Variants in PBX1 observed in about 807,000 individuals in gnomAD.
PBX1 encodes PBX homeobox 1, also known as pre-B-cell leukemia transcription factor 1.
PBX1 carries 6 observed loss-of-function variants against 53.4 expected under a neutral mutation model. That is an observed-to-expected ratio of 0.11 (90% CI 0.06 to 0.22). PBX1 has a LOEUF of 0.22. Ranked by LOEUF, PBX1 falls within the 10% of genes least tolerant of loss-of-function variation. The pLI is 1.00. For missense variants in PBX1, 251 were observed against 551.4 expected (o/e 0.46, Z 5.46); for synonymous variants, 204 against 212.3 (o/e 0.96, Z 0.34).
chr1:164,791,879 G>A (rs376786935), intron 2 of PBX1, among the ~76,000 whole-genome samples: 28 of 152,006 alleles, frequency 1.8e-4, no homozygotes, highest in African/African-American at 6.5e-4. Context: ...GGAGTGCAAT[G>A]AGTGGCGTGA....
chr1:164,684,785 G>A (rs1662002527), intron 2 of PBX1: 1 of 152,136 alleles, frequency 6.6e-6, no homozygotes, highest in Admixed American at 6.6e-5. Flanking sequence ...AAAGATCTGG[G>A]GCACTGTGTT....
chr1:164,785,268 C>T (rs1668120260), intron 2 of PBX1, among the ~76,000 whole-genome samples: 1 of 152,078 alleles, frequency 6.6e-6, no homozygotes, highest in Non-Finnish European at 1.5e-5. Context: ...TGATGAATAA[C>T]TCTTTAAAAA....
chr1:164,638,210 T>C (rs1251359312), intron 2 of PBX1, among the ~76,000 whole-genome samples: 1 of 152,196 alleles, frequency 6.6e-6, no homozygotes, highest in Non-Finnish European at 1.5e-5. Flanking sequence ...GGCAGCGTGG[T>C]CACTTGCGCA....
At position 164,654,031 on chromosome 1, in the gene PBX1, T is replaced by G. The variant is rs1380625202; in HGVS notation, c.265+90720T>G. On this transcript the variant is annotated intron_variant, in intron 2 of 8. Coordinates refer to ENST00000420696, the MANE Select transcript of PBX1 (RefSeq NM_002585.4). ...ATGGAATTTTGTTTCTGATAAATTT[T>G]TACCATTCTTTTCCAAACAGTAGAG... Among the ~76,000 whole-genome samples, 5 of 152,334 alleles carry G rather than the reference T, an allele frequency of 3.3e-5. No individual in the cohort carries two copies. The South Asian group carries it at 1.0e-3, about 32-fold the overall frequency.
intron 2 of PBX1, among the ~76,000 whole-genome samples, chr1:164,640,020 C>T (rs1419039771): frequency 5.3e-5 from 8 of 152,104 alleles, no homozygotes; most frequent in Non-Finnish European, 1.0e-4. Flanking sequence ...GACGAAGCCC[C>T]TGCCAAAGCC....
chr1:164,694,827 A>G (rs1356737793), intron 2 of PBX1, among the ~76,000 whole-genome samples: 2 of 152,100 alleles, frequency 1.3e-5, no homozygotes, highest in Non-Finnish European at 2.9e-5. Context: ...ACTATTTCTC[A>G]TTTCTCCTTC....
chr1:164,647,492 A>T (rs1475616145), intron 2 of PBX1, among the ~76,000 whole-genome samples: 1 of 152,112 alleles, frequency 6.6e-6, no homozygotes, highest in Non-Finnish European at 1.5e-5. Flanking sequence ...AATCGAGGTG[A>T]CCTAGTTGAC....
Position 164,848,452 on chromosome 1 carries a change from A to C in PBX1, c.*1776A>C. The C allele has an allele frequency of 9.5e-7, 1 of 1,056,858 alleles. No homozygotes were observed. The highest frequency in any genetic ancestry group is 1.1e-6 in the Non-Finnish European group (1 of 873,966). 65.5% of individuals were successfully genotyped at this position (1,056,858 alleles called of 1,614,324 possible). On this transcript the variant is annotated 3_prime_UTR_variant, in exon 9 of 9. Transcript: ENST00000420696. ...ATATCCAATCTGTAAATGCGAAGTC[A>C]GGGGAAGTAATGTCCCTGAAATAAA... is the stretch of plus-strand genomic sequence containing the variant.
At chr1:164,824,032 G>T (rs1301454988) in intron 8 of PBX1, among the ~76,000 whole-genome samples, 2 of 152,084 alleles carry the variant, frequency 1.3e-5, no homozygotes, top group Non-Finnish European at 2.9e-5. Context: ...AAGAGACAAG[G>T]ACAGGAATGA....
chr1:164,592,193 A>T lies in PBX1; in HGVS notation c.265+28882A>T, dbSNP rs1408625168. ...AAGTCTGTGGTTTTAAGAGAGAGCA[A>T]CAGCGATTCTTTCCTAGCATATGAA... On this transcript the variant is annotated intron_variant, in intron 2 of 8. Transcript: ENST00000420696. Among the ~76,000 whole-genome samples, 4 of 152,294 alleles carry T rather than the reference A, an allele frequency of 2.6e-5. No individual in the cohort carries two copies. In the East Asian group the frequency reaches 7.7e-4, roughly 29 times the overall value.
At chr1:164,758,903 T>C (rs1472400182) in intron 2 of PBX1, among the ~76,000 whole-genome samples, 1 of 152,070 alleles carries the variant, frequency 6.6e-6, no homozygotes, top group African/African-American at 2.4e-5. Context: ...AGTTCCAGGA[T>C]CCAGTGGGAG....
In PBX1 at chr1:164,773,935, C is replaced by T. The variant is rs184411995; in HGVS notation, c.266-18559C>T. Among the ~76,000 whole-genome samples, 9 of 152,314 alleles carry T rather than the reference C, an allele frequency of 5.9e-5. No individual in the cohort carries two copies. The South Asian group carries it at 6.2e-4, about 11-fold the overall frequency. On this transcript the variant is annotated intron_variant, in intron 2 of 8. Transcript: ENST00000420696. The stretch of plus-strand genomic sequence containing the variant: ...AGAAAGCCAGGAAGCTATTTTTCTA[C>T]GACTCCCCATGTTAGTGAAGGCAAT...
Position 164,698,567 on chromosome 1 carries a change from C to T in PBX1, c.266-93927C>T, listed in dbSNP as rs143347670. On this transcript the variant is annotated intron_variant, in intron 2 of 8. Transcript: ENST00000420696. ...TCAGGACTCAATGTTGCCAGCCTCC[C>T]GCATCTGAAGTAGCTGAGAGCCAGG... is the stretch of plus-strand genomic sequence containing the variant. Among the ~76,000 whole-genome samples the T allele has an allele frequency of 2.9e-3, 442 of 152,146 alleles. 2 individuals are homozygous for T. Among genetic ancestry groups the T allele is most frequent in the African/African-American group, 0.01 (415 of 41,500 alleles).
chr1:164,795,930 C>G (rs1225141487), intron 3 of PBX1, among the ~76,000 whole-genome samples: 1 of 152,084 alleles, frequency 6.6e-6, no homozygotes, highest in Non-Finnish European at 1.5e-5. Context: ...TCACCCTCAC[C>G]CTTATCCCTC....
chr1:164,815,380 T>A (rs1345194759), intron 6 of PBX1: 3 of 152,230 alleles, frequency 2.0e-5, no homozygotes, highest in African/African-American at 7.2e-5. Flanking sequence ...ATTCTTTTGC[T>A]TAGCTGTGTG....
At chr1:164,846,125 C>T (rs1671558559) in intron 8 of PBX1, among the ~76,000 whole-genome samples, 1 of 152,064 alleles carries the variant, frequency 6.6e-6, no homozygotes, top group Admixed American at 6.6e-5. Context: ...CCCATAAATA[C>T]ATGGGACATC....
At chr1:164,812,691 T>A (rs1443621878) in intron 6 of PBX1, 3 of 152,184 alleles carry the variant, frequency 2.0e-5, no homozygotes, top group African/African-American at 7.2e-5. Flanking sequence ...TTGTTGTTCT[T>A]TATTGTTTTT....
chr1:164,582,566 GCA>G (rs1168554263), intron 2 of PBX1, among the ~76,000 whole-genome samples: 5 of 151,994 alleles, frequency 3.3e-5, no homozygotes, highest in African/African-American at 1.2e-4. Context: ...GGGATTACAG[GCA>G]CATGCCACCA....
chr1:164,578,983 A>G (rs1019378439), intron 2 of PBX1, among the ~76,000 whole-genome samples: 3 of 151,502 alleles, frequency 2.0e-5, no homozygotes, highest in Non-Finnish European at 4.4e-5. Flanking sequence ...CTATTTGCCA[A>G]ACTTGTGACC....
Sources: gnomAD v4.1 joint callset for allele counts (sites outside exome capture counted in the v4.1 genomes callset) on GRCh38, gnomAD v4.1.1 for gene constraint, MANE v1.5 for transcripts, NCBI Gene and HGNC (gene_info 2026-07-23, HGNC 2026-07-21) for gene names.